Variants in THSD7A observed in about 807,000 individuals in gnomAD.
THSD7A encodes the protein thrombospondin type 1 domain containing 7A.
A neutral mutation model predicts 231.3 loss-of-function variants in THSD7A; 96 were observed. The ratio of observed to expected loss-of-function variants is 0.41; its 90% CI spans 0.35 to 0.49. THSD7A has a LOEUF of 0.49. Among genes scored for constraint, THSD7A ranks in the 20% least tolerant of loss-of-function variants. The pLI is 0.05. For synonymous variants in THSD7A, 940 were observed against 743.3 expected (o/e 1.26, Z -4.30); for missense variants, 2,290 against 2,070.2 (o/e 1.11, Z -2.06).
intron 13 of THSD7A, among the ~76,000 whole-genome samples, chr7:11,441,502 T>C (rs1784802517): frequency 6.6e-6 from 1 of 152,078 alleles, no homozygotes; most frequent in Admixed American, 6.6e-5. Flanking sequence ...TTGTAACATT[T>C]TGAAGATGAT....
In THSD7A at chr7:11,447,365, C is replaced by T; in HGVS notation, c.2665G>A (p.Ala889Thr). 1 of 1,611,274 alleles carries T rather than the reference C, an allele frequency of 6.2e-7. No individual in the cohort carries two copies. The highest frequency in any genetic ancestry group is 8.5e-7 in the Non-Finnish European group (1 of 1,178,744). ...TGGGTAAGGGCTGGCACAGGGCCTG[C>T]ATACTGTAGGCACTCATGGATTCCA... The part of the protein sequence containing the change: ...QAGIHECLQY[A>T]GPVPALTQAC... The change falls in exon 12 of 28, where the codon GCA becomes ACA. Residue 889 changes from alanine to threonine, a missense_variant. By Grantham distance (58) the Ala-to-Thr change is moderately conservative. Transcript: ENST00000423059.
intron 9 of THSD7A, among the ~76,000 whole-genome samples, chr7:11,466,070 A>C (rs927439799): frequency 3.3e-5 from 5 of 152,138 alleles, no homozygotes; most frequent in Non-Finnish European, 5.9e-5. Context: ...TTCTTCCTGG[A>C]ATCCTACTAT....
In THSD7A at chr7:11,568,653, AACC is replaced by A. The variant is rs1321197253; in HGVS notation, c.1453+21804_1453+21806del. 6.0e-3 allele frequency among the ~76,000 whole-genome samples: 826 copies of A among 138,154 alleles called. 42 individuals carry two copies. The highest frequency in any genetic ancestry group is 0.013 in the African/African-American group (450 of 34,974). 90.6% of individuals were successfully genotyped at this position (138,154 alleles called of 152,430 possible). On this transcript the variant is annotated intron_variant, in intron 4 of 27. Coordinates refer to ENST00000423059, the MANE Select transcript of THSD7A (RefSeq NM_015204.3). ...AAAAAAAAAAAAAAAAAAAAAAAAA[AACC>A]AAAATCTGGAACAAGGTAAAGATGA...
chr7:11,493,116 T>G (rs368197756), intron 6 of THSD7A, among the ~76,000 whole-genome samples: 3 of 152,266 alleles, frequency 2.0e-5, no homozygotes, highest in Admixed American at 6.5e-5. Context: ...TGTAAGAATT[T>G]GTAATAAAAC....
chr7:11,475,574 ATATATAACATATATG>A (rs1294258059), intron 7 of THSD7A, among the ~76,000 whole-genome samples: 34 of 147,298 alleles, frequency 2.3e-4, no homozygotes, highest in African/African-American at 7.9e-4. Flanking sequence ...ACATATATGT[ATATATAACATATATG>A]TATATAACAT....
intron 1 of THSD7A, among the ~76,000 whole-genome samples, chr7:11,675,211 C>T (rs531534244): frequency 9.2e-5 from 14 of 152,216 alleles, no homozygotes; most frequent in Admixed American, 2.6e-4. Flanking sequence ...TGGGACCCTG[C>T]TGTGAGGGAC....
chr7:11,618,449 A>T (rs1049364404), intron 2 of THSD7A, among the ~76,000 whole-genome samples: 1 of 152,212 alleles, frequency 6.6e-6, no homozygotes, highest in Non-Finnish European at 1.5e-5. Flanking sequence ...CCTTATTAAC[A>T]TAACTTACAC....
At chr7:11,700,156 G>T (rs779706142) in intron 1 of THSD7A, among the ~76,000 whole-genome samples, 3 of 151,186 alleles carry the variant, frequency 2.0e-5, no homozygotes, top group Non-Finnish European at 4.4e-5. Flanking sequence ...AAAGCTACGG[G>T]ACTTTATCTG....
intron 6 of THSD7A, among the ~76,000 whole-genome samples, chr7:11,492,259 C>A (rs144063357): frequency 4.6e-5 from 7 of 152,092 alleles, no homozygotes; most frequent in South Asian, 2.1e-4. Flanking sequence ...AAACCAACTT[C>A]AATTTGTAAA....
chr7:11,813,318 T>C (rs1784585193), intron 1 of THSD7A, among the ~76,000 whole-genome samples: 1 of 152,192 alleles, frequency 6.6e-6, no homozygotes, highest in Non-Finnish European at 1.5e-5. Flanking sequence ...CTTTCCTATA[T>C]TTTTAATTAC....
At chr7:11,811,875 G>C (rs1784536494) in intron 1 of THSD7A, among the ~76,000 whole-genome samples, 1 of 152,132 alleles carries the variant, frequency 6.6e-6, no homozygotes, top group African/African-American at 2.4e-5. Flanking sequence ...AGGACACAGT[G>C]AAAGTCAGCA....
chr7:11,375,641 G>T lies in THSD7A; in HGVS notation c.*153C>A. On this transcript the variant is annotated 3_prime_UTR_variant, in exon 28 of 28. Transcript: ENST00000423059. ...AGTGGTACTGTCTTAAATATCTCCA[G>T]TGGCAGTATGATTTTCACTCTTGTC... The T allele has an allele frequency of 3.2e-6, 2 of 615,920 alleles. No homozygotes were observed. The highest frequency in any genetic ancestry group is 4.5e-5 in the South Asian group (2 of 44,882). The allele number at this position is 615,920 out of a possible 1,614,324, so 38.2% of individuals were successfully genotyped here.
chr7:11,558,663 C>T (rs1208195313), intron 4 of THSD7A, among the ~76,000 whole-genome samples: 1 of 152,100 alleles, frequency 6.6e-6, no homozygotes, highest in Non-Finnish European at 1.5e-5. Context: ...AAAGTGATCA[C>T]AAAACTAGGG....
intron 6 of THSD7A, among the ~76,000 whole-genome samples, chr7:11,501,710 C>G (rs1787343190): frequency 6.6e-6 from 1 of 151,986 alleles, no homozygotes; most frequent in African/African-American, 2.4e-5. Context: ...TGTAACTTTA[C>G]AACTGAAAGA....
intron 6 of THSD7A, among the ~76,000 whole-genome samples, chr7:11,507,102 T>C (rs948494979): frequency 9.9e-5 from 15 of 152,156 alleles, no homozygotes; most frequent in Non-Finnish European, 2.2e-4. Flanking sequence ...GCATGATACC[T>C]AAAGACATTA....
intron 6 of THSD7A, among the ~76,000 whole-genome samples, chr7:11,536,713 T>C (rs545346267): frequency 2.6e-5 from 4 of 152,238 alleles, no homozygotes; most frequent in Non-Finnish European, 4.4e-5. Flanking sequence ...AGCACATCCT[T>C]AATAAGCTCG....
At chr7:11,546,184 T>C (rs1301166597) in intron 4 of THSD7A, among the ~76,000 whole-genome samples, 1 of 80,328 alleles carries the variant, frequency 1.2e-5, no homozygotes, top group Non-Finnish European at 2.4e-5. Context: ...TGCTCTGTTG[T>C]TGCTGGTGTG....
chr7:11,667,678 T>C (rs1783197743), intron 1 of THSD7A, among the ~76,000 whole-genome samples: 1 of 152,142 alleles, frequency 6.6e-6, no homozygotes, highest in Non-Finnish European at 1.5e-5. Flanking sequence ...TGCCGATACA[T>C]GTTAATGGCT....
chr7:11,750,256 A>C (rs963422878), intron 1 of THSD7A, among the ~76,000 whole-genome samples: 15 of 151,952 alleles, frequency 9.9e-5, no homozygotes, highest in Non-Finnish European at 1.2e-4. Context: ...ATACTATAAA[A>C]GATTGATTCT....
Sources: gnomAD v4.1 joint callset for allele counts (sites outside exome capture counted in the v4.1 genomes callset) on GRCh38, gnomAD v4.1.1 for gene constraint, MANE v1.5 for transcripts, NCBI Gene and HGNC (gene_info 2026-07-23, HGNC 2026-07-21) for gene names.